KHDRBS2: variants seen among roughly 807,000 people sequenced by gnomAD.
The protein encoded by KHDRBS2 is KH domain-containing, RNA-binding, signal transduction-associated protein 2.
KHDRBS2 carries 26 observed loss-of-function variants against 44.3 expected under a neutral mutation model. The ratio of observed to expected loss-of-function variants is 0.59; its 90% CI spans 0.43 to 0.81. KHDRBS2 has a LOEUF of 0.81. Among genes scored for constraint, KHDRBS2 ranks in the 40% least tolerant of loss-of-function variants. KHDRBS2 has a pLI of 0.00. For synonymous variants in KHDRBS2, 194 were observed against 151.1 expected (o/e 1.28, Z -2.08); for missense variants, 476 against 433.1 (o/e 1.10, Z -0.88).
chr6:61,551,811 GCT>G, the KHDRBS2 span, among the ~76,000 whole-genome samples: 1 of 151,964 alleles, frequency 6.6e-6, no homozygotes, highest in Admixed American at 6.6e-5. Context: ...CTTCTGCTCT[GCT>G]CTTTTTGCTT....
At chr6:62,204,628 T>C (rs1827637139) in intron 1 of KHDRBS2, among the ~76,000 whole-genome samples, 1 of 152,150 alleles carries the variant, frequency 6.6e-6, no homozygotes, top group African/African-American at 2.4e-5. Context: ...CAACCGGTAT[T>C]AGAATGCTAG....
chr6:61,935,775 C>T (rs1349037979), intron 4 of KHDRBS2, among the ~76,000 whole-genome samples: 1 of 152,006 alleles, frequency 6.6e-6, no homozygotes, highest in Non-Finnish European at 1.5e-5. Flanking sequence ...AGATAAAACC[C>T]ATTTATTTAA....
At chr6:62,249,756 T>C (rs1363810160) in intron 1 of KHDRBS2, among the ~76,000 whole-genome samples, 1 of 152,090 alleles carries the variant, frequency 6.6e-6, no homozygotes, top group Non-Finnish European at 1.5e-5. Context: ...CTTTTCTATG[T>C]GGAATTATTC....
intron 8 of KHDRBS2, among the ~76,000 whole-genome samples, chr6:61,690,307 T>G (rs534890409): frequency 2.5e-3 from 375 of 152,122 alleles, no homozygotes; most frequent in Non-Finnish European, 3.9e-3. Context: ...ATATTCTAAA[T>G]ATAAATCTAT....
At chr6:62,195,759 G>A (rs540583135) in intron 1 of KHDRBS2, among the ~76,000 whole-genome samples, 13 of 152,158 alleles carry the variant, frequency 8.5e-5, no homozygotes, top group African/African-American at 2.9e-4. Context: ...AAAAGTCAGT[G>A]AATTCTCATC....
intron 4 of KHDRBS2, among the ~76,000 whole-genome samples, chr6:61,956,678 C>A (rs1767402415): frequency 6.6e-6 from 1 of 152,118 alleles, no homozygotes; most frequent in Non-Finnish European, 1.5e-5. Flanking sequence ...CCATTCTCTG[C>A]ACACCCCTAT....
At position 62,106,159 on chromosome 6, in the gene KHDRBS2, C is replaced by A. The variant is rs984455209; in HGVS notation, c.220-58165G>T. 1.4e-4 allele frequency among the ~76,000 whole-genome samples: 22 copies of A among 152,140 alleles called. 1 individual carries two copies. The highest frequency in any genetic ancestry group is 1.4e-3 in the Admixed American group (22 of 15,286). ...TGTGAGAGACAGTTTGTTATAATTTCTGTTCTTTTACATTTGCTGAGGAGA... is the reference window on the plus strand; with the variant it reads ...TGTGAGAGACAGTTTGTTATAATTTATGTTCTTTTACATTTGCTGAGGAGA... On this transcript the variant is annotated intron_variant, in intron 2 of 8. Coordinates refer to ENST00000281156, the MANE Select transcript of KHDRBS2 (RefSeq NM_152688.4).
At chr6:61,991,062 T>G (rs979320073) in intron 3 of KHDRBS2, among the ~76,000 whole-genome samples, 1 of 152,134 alleles carries the variant, frequency 6.6e-6, no homozygotes, top group African/African-American at 2.4e-5. Flanking sequence ...CCCAGGGCCG[T>G]GGATGATTAT....
intron 3 of KHDRBS2, among the ~76,000 whole-genome samples, chr6:62,036,925 T>C (rs1482274051): frequency 1.3e-5 from 2 of 152,000 alleles, no homozygotes; most frequent in African/African-American, 4.8e-5. Flanking sequence ...ACATAGGTTA[T>C]TCCTCAGACC....
chr6:61,551,021 A>G, the KHDRBS2 span, among the ~76,000 whole-genome samples: 1 of 151,934 alleles, frequency 6.6e-6, no homozygotes, highest in Non-Finnish European at 1.5e-5. Flanking sequence ...TGATATGCCT[A>G]TTGCGGCTCC....
At chr6:62,006,801 A>G (rs1212322194) in intron 3 of KHDRBS2, among the ~76,000 whole-genome samples, 1 of 152,098 alleles carries the variant, frequency 6.6e-6, no homozygotes, top group African/African-American at 2.4e-5. Context: ...AAGAAAAAAT[A>G]ATAAAGCAAA....
At chr6:61,616,504 T>C in the KHDRBS2 span, among the ~76,000 whole-genome samples, 1 of 150,378 alleles carries the variant, frequency 6.6e-6, no homozygotes, top group Admixed American at 6.6e-5. Flanking sequence ...TATATAATGC[T>C]ATTGCTTTCT....
intron 6 of KHDRBS2, among the ~76,000 whole-genome samples, chr6:61,844,351 C>T (rs1168235746): frequency 1.3e-5 from 2 of 152,108 alleles, no homozygotes; most frequent in Non-Finnish European, 2.9e-5. Flanking sequence ...ATACTGCTTT[C>T]CTATTAAAAT....
intron 1 of KHDRBS2, among the ~76,000 whole-genome samples, chr6:62,213,349 GA>G (rs943753280): frequency 4.0e-5 from 6 of 149,708 alleles, no homozygotes; most frequent in East Asian, 3.9e-4. Flanking sequence ...CGCAGAATAT[GA>G]AAAAAAAAAT....
intron 1 of KHDRBS2, among the ~76,000 whole-genome samples, chr6:62,204,551 C>A (rs1262052719): frequency 1.3e-5 from 2 of 152,108 alleles, no homozygotes; most frequent in Admixed American, 1.3e-4. Flanking sequence ...TTAAGCACCA[C>A]GTCAGCACTC....
At chr6:62,126,439 T>C (rs1433603244) in intron 2 of KHDRBS2, among the ~76,000 whole-genome samples, 1 of 152,166 alleles carries the variant, frequency 6.6e-6, no homozygotes, top group Non-Finnish European at 1.5e-5. Flanking sequence ...AAAGAATGGA[T>C]GGGTTCACCA....
chr6:61,723,683 A>G (rs1773079817), intron 7 of KHDRBS2, among the ~76,000 whole-genome samples: 1 of 152,194 alleles, frequency 6.6e-6, no homozygotes, highest in South Asian at 2.1e-4. Flanking sequence ...CAATGCAATC[A>G]GAAGTATCAA....
At chr6:61,933,823 G>A (rs1810532015) in intron 4 of KHDRBS2, among the ~76,000 whole-genome samples, 1 of 152,124 alleles carries the variant, frequency 6.6e-6, no homozygotes, top group African/African-American at 2.4e-5. Context: ...CCAATAATAT[G>A]GATTGCTGGA....
At chr6:61,949,989 T>C (rs1764410514) in intron 4 of KHDRBS2, among the ~76,000 whole-genome samples, 2 of 152,060 alleles carry the variant, frequency 1.3e-5, no homozygotes, top group Admixed American at 6.6e-5. Flanking sequence ...AAAATCAAAA[T>C]GTGGTGTTTC....
Sources: gnomAD v4.1 joint callset for allele counts (sites outside exome capture counted in the v4.1 genomes callset) on GRCh38, gnomAD v4.1.1 for gene constraint, MANE v1.5 for transcripts, NCBI Gene and HGNC (gene_info 2026-07-23, HGNC 2026-07-21) for gene names.